Variants in SEZ6L observed in about 807,000 individuals in gnomAD.
SEZ6L encodes seizure related 6 homolog like.
In SEZ6L, 37 loss-of-function variants were observed where a neutral mutation model predicts 106.2. The observed-to-expected ratio is 0.35, with a 90% confidence interval of 0.27 to 0.46. SEZ6L has a LOEUF of 0.46. Among genes scored for constraint, SEZ6L ranks in the 20% least tolerant of loss-of-function variants. SEZ6L has a pLI of 1.00. For missense variants in SEZ6L, 1,172 were observed against 1,332.8 expected, an observed-to-expected ratio of 0.88 and a Z score of 1.88; for synonymous variants, 541 against 570.4, an observed-to-expected ratio of 0.95 and a Z score of 0.73.
intron 1 of SEZ6L, among the ~76,000 whole-genome samples, chr22:26,261,266 T>C (rs1222527697): frequency 6.6e-6 from 1 of 152,214 alleles, no homozygotes; most frequent in African/African-American, 2.4e-5. Flanking sequence ...TCTTTGTTTT[T>C]GTTGCATTTG....
At chr22:26,189,570 T>C (rs545771491) in intron 1 of SEZ6L, among the ~76,000 whole-genome samples, 35 of 152,124 alleles carry the variant, frequency 2.3e-4, no homozygotes, top group African/African-American at 7.7e-4. Flanking sequence ...TAAAAACCAA[T>C]ATACTATAAC....
At chr22:26,208,690 ACATAGT>A (rs1941420183) in intron 1 of SEZ6L, among the ~76,000 whole-genome samples, 1 of 152,142 alleles carries the variant, frequency 6.6e-6, no homozygotes, top group Admixed American at 6.5e-5. Context: ...ACTATGACAT[ACATAGT>A]CATAGTTTTC....
In SEZ6L at chr22:26,346,842, G is replaced by A. The variant is rs1274698387; in HGVS notation, c.2213-877G>A. Among the ~76,000 whole-genome samples the A allele has an allele frequency of 3.3e-5, 5 of 152,234 alleles. No homozygotes were observed. In the East Asian group the frequency reaches 9.6e-4, roughly 29 times the overall value. ...TCAATGTTGTTATGACCTAACCTCG[G>A]AAGCCACCCAGGGCCACTTTTGCAA... On this transcript the variant is annotated intron_variant, in intron 10 of 16. Coordinates refer to ENST00000248933, the MANE Select transcript of SEZ6L (RefSeq NM_021115.5).
In SEZ6L at chr22:26,373,520, A is replaced by G. The variant is rs199783445; in HGVS notation, c.2827+37A>G. On this transcript the variant is annotated intron_variant, in intron 14 of 16. Coordinates refer to ENST00000248933, the MANE Select transcript of SEZ6L (RefSeq NM_021115.5). ...AACGAAAAAAAAAAAAGTTCAATAA[A>G]TCAAACTAATAGCACAAAACAAGGG... is the stretch of plus-strand genomic sequence containing the variant. 9.0e-5 allele frequency: 137 copies of G among 1,524,372 alleles called. 1 individual carries two copies. In the African/African-American group the frequency reaches 1.6e-3, roughly 18 times the overall value. 94.4% of individuals were successfully genotyped at this position (1,524,372 alleles called of 1,614,324 possible).
At chr22:26,363,698 T>C (rs2083711974) in intron 12 of SEZ6L, among the ~76,000 whole-genome samples, 2 of 152,206 alleles carry the variant, frequency 1.3e-5, no homozygotes. Flanking sequence ...AATCTGGGCA[T>C]AGCTTAACAT....
chr22:26,335,950 G>A (rs1385911269), intron 9 of SEZ6L, among the ~76,000 whole-genome samples: 1 of 152,114 alleles, frequency 6.6e-6, no homozygotes, highest in East Asian at 1.9e-4. Context: ...ATGCCCCACA[G>A]TGACCACTCC....
intron 1 of SEZ6L, among the ~76,000 whole-genome samples, chr22:26,199,105 G>T (rs538689398): frequency 6.6e-6 from 1 of 152,340 alleles, no homozygotes; most frequent in South Asian, 2.1e-4. Flanking sequence ...CCATTGAGAA[G>T]ATGAGAAAAT....
At chr22:26,290,670 T>C (rs2060745518) in intron 1 of SEZ6L, among the ~76,000 whole-genome samples, 1 of 152,200 alleles carries the variant, frequency 6.6e-6, no homozygotes, top group African/African-American at 2.4e-5. Context: ...GTGAGATCCG[T>C]CTCAAGAAAA....
chr22:26,350,173 CAT>C (rs959195025), intron 11 of SEZ6L, among the ~76,000 whole-genome samples: 1 of 148,252 alleles, frequency 6.7e-6, no homozygotes, highest in Non-Finnish European at 1.5e-5. Context: ...TGGGCAAATT[CAT>C]ATATATGTGT....
rs1289730383 is a variant in SEZ6L, at chr22:26,373,572, C to G, written c.2827+89C>G. On this transcript the variant is annotated intron_variant, in intron 14 of 16. Coordinates refer to ENST00000248933, the MANE Select transcript of SEZ6L (RefSeq NM_021115.5). ...AGGTCTTTGAATATCTTTATTTAGA[C>G]ACTTAAAAAATAAATAAATTCTACC... The G allele has an allele frequency of 9.0e-6, 9 of 995,368 alleles. No individual in the cohort carries two copies. In the East Asian group the frequency reaches 2.3e-4, roughly 25 times the overall value. 61.7% of individuals were successfully genotyped at this position (995,368 alleles called of 1,614,324 possible). A position where few individuals can be genotyped will look rare whatever the true frequency, so the allele number is the denominator to read the frequency against.
intron 1 of SEZ6L, among the ~76,000 whole-genome samples, chr22:26,208,106 G>A (rs1941379168): frequency 6.6e-6 from 1 of 151,638 alleles, no homozygotes; most frequent in Admixed American, 6.6e-5. Context: ...TAGTAGAGAC[G>A]GGGTTTCACC....
chr22:26,263,289 C>T (rs150431572), intron 1 of SEZ6L, among the ~76,000 whole-genome samples: 265 of 152,322 alleles, frequency 1.7e-3, no homozygotes, highest in African/African-American at 5.9e-3. Flanking sequence ...GCCTTCTTGT[C>T]GTCATTTGTA....
chr22:26,316,509 G>A (rs1282550077), intron 9 of SEZ6L, among the ~76,000 whole-genome samples: 4 of 151,328 alleles, frequency 2.6e-5, no homozygotes. Context: ...TAGCATGAAA[G>A]AGAAGGTAGG....
intron 9 of SEZ6L, among the ~76,000 whole-genome samples, chr22:26,319,848 A>G (rs892092794): frequency 2.6e-5 from 4 of 152,232 alleles, no homozygotes; most frequent in African/African-American, 9.6e-5. Flanking sequence ...ATAAAAGGCA[A>G]GGAAGTAAAT....
chr22:26,306,055 G>A lies in SEZ6L; in HGVS notation c.1425G>A (p.Gly475=). 2 of 1,614,152 alleles carry A rather than the reference G, an allele frequency of 1.2e-6. No individual in the cohort carries two copies. Among genetic ancestry groups the A allele is most frequent in the Non-Finnish European group, 1.7e-6 (2 of 1,180,022 alleles). The change falls in exon 6 of 17, where the codon GGG becomes GGA. Residue 475 remains glycine (G), a synonymous_variant. Coordinates refer to ENST00000248933, the MANE Select transcript of SEZ6L (RefSeq NM_021115.5). The stretch of plus-strand genomic sequence containing the variant: ...CAAGTTACCCTGAAAACACAAATGG[G>A]AGCCAATTCTGCATCTGGACGATTG... ...LSPSYPENTN[G]SQFCIWTIEA...
At position 26,292,622 on chromosome 22, in the gene SEZ6L, C is replaced by CTGGA; in HGVS notation, c.311_312insTGGA (p.Glu105GlyfsTer124). ...ATCCCAGCCCTGTCACCGCTGCTTC[C>CTGGA]AGAGGAGGCCCGCCCCAAGCACGCC... On this transcript the variant is annotated frameshift_variant, in exon 2 of 17. Transcript: ENST00000248933. LOFTEE classifies it high-confidence loss of function. 6.2e-7 allele frequency: 1 copy of CTGGA among 1,613,198 alleles called. No homozygotes were observed. The highest frequency in any genetic ancestry group is 1.3e-5 in the African/African-American group (1 of 75,012).
At chr22:26,240,111 C>T (rs1272064461) in intron 1 of SEZ6L, among the ~76,000 whole-genome samples, 1 of 151,292 alleles carries the variant, frequency 6.6e-6, no homozygotes, top group East Asian at 2.0e-4. Context: ...CACACACACA[C>T]ACACACACAC....
intron 7 of SEZ6L, 86 bp from the exon 8 acceptor site, chr22:26,311,682 A>T: frequency 8.4e-7 from 1 of 1,193,184 alleles, no homozygotes; most frequent in East Asian, 2.4e-5. Context: ...TTTTCTAAAC[A>T]GCACAGGGGA....
intron 1 of SEZ6L, among the ~76,000 whole-genome samples, chr22:26,173,422 T>C (rs896176222): frequency 6.6e-6 from 1 of 152,238 alleles, no homozygotes; most frequent in Non-Finnish European, 1.5e-5. Flanking sequence ...CCTTGCCTGG[T>C]GCAGACACCC....
Sources: gnomAD v4.1 joint callset for allele counts (sites outside exome capture counted in the v4.1 genomes callset) on GRCh38, gnomAD v4.1.1 for gene constraint, MANE v1.5 for transcripts, NCBI Gene and HGNC (gene_info 2026-07-23, HGNC 2026-07-21) for gene names.